Variants in LRRC34 observed in about 807,000 individuals in gnomAD.
The protein encoded by LRRC34 is leucine-rich repeat-containing protein 34.
Under a neutral mutation model 48.5 loss-of-function variants are expected in LRRC34, and 44 were observed. The ratio of observed to expected loss-of-function variants is 0.91; its 90% CI spans 0.71 to 1.17. LRRC34 has a LOEUF of 1.17. LRRC34 is among the 50% of genes most tolerant of loss of function. LRRC34 has a pLI of 0.00. For missense variants in LRRC34, 502 were observed against 563.0 expected (o/e 0.89, Z 1.10); for synonymous variants, 192 against 197.6 (o/e 0.97, Z 0.24).
At chr3:169,807,003 A>G in intron 4 of LRRC34, 72 bp from the exon 5 acceptor site, 3 of 793,132 alleles carry the variant, frequency 3.8e-6, no homozygotes, top group Non-Finnish European at 6.4e-6. Flanking sequence ...ATGTATATAC[A>G]TATACACATA....
rs769745350 is a variant in LRRC34, at chr3:169,796,759, G to A, written c.894C>T (p.Tyr298=). Residue 298 remains tyrosine, a synonymous_variant, in exon 8 of 11, where the codon TAC becomes TAT. Coordinates refer to ENST00000446859, the MANE Select transcript of LRRC34 (RefSeq NM_001172779.2). ...DALYLNSSLR[Y]LDVSCNKITH... ...TTATCACTTACCAGCTGACATCAAG[G>A]TAGCGCAGGCTACTGTTCAGATACA... 1.9e-6 allele frequency: 3 copies of A among 1,605,504 alleles called. No homozygotes were observed. The highest frequency in any genetic ancestry group is 2.2e-5 in the East Asian group (1 of 44,620).
At position 169,812,434 on chromosome 3, in the gene LRRC34, C is replaced by T. The variant is rs1325919614; in HGVS notation, c.115G>A (p.Gly39Ser). ...CCGCGCTGGACCGCCAGGGCCGCGCCCGGAGTACTGGCCTGAGTGGAGGCC... is the reference window on the plus strand; with the variant it reads ...CCGCGCTGGACCGCCAGGGCCGCGCTCGGAGTACTGGCCTGAGTGGAGGCC... ...AWASTQASTP[G>S]AALAVQRESP... Residue 39 changes from glycine to serine, a missense_variant, in exon 1 of 11, where the codon GGC (glycine) becomes AGC (serine). By Grantham distance (56) the Gly-to-Ser change is moderately conservative. Coordinates refer to ENST00000446859, the MANE Select transcript of LRRC34 (RefSeq NM_001172779.2). This position sits in a 1 kb window ranked among gnomAD's most constrained non-coding sequence, Gnocchi z 4.3. The T allele has an allele frequency of 6.5e-7, 1 of 1,529,970 alleles. No homozygotes were observed. Among genetic ancestry groups the T allele is most frequent in the Admixed American group, 2.0e-5 (1 of 50,922 alleles). 94.8% of individuals were successfully genotyped at this position (1,529,970 alleles called of 1,614,324 possible).
chr3:169,796,296 C>G lies in LRRC34; in HGVS notation c.982G>C (p.Asp328His), dbSNP rs921027967. The G allele has an allele frequency of 6.2e-7, 1 of 1,612,472 alleles. No individual in the cohort carries two copies. The highest frequency in any genetic ancestry group is 2.2e-5 in the East Asian group (1 of 44,710). ...TTTTCTATTCTGTTAAAGGAAAGAT[C>G]TATTACTTCCAGGGTAGTGTTGCTT... ...LKSNTTLEVI[D>H]LSFNRIENAG... The change falls in exon 9 of 11, where the codon GAT (aspartate) becomes CAT (histidine). Residue 328 changes from aspartate (D) to histidine (H), a missense_variant. Asp to His is a moderately conservative substitution (Grantham distance 81). Coordinates refer to ENST00000446859, the MANE Select transcript of LRRC34 (RefSeq NM_001172779.2).
intron 6 of LRRC34, 73 bp from the exon 7 acceptor site, chr3:169,800,827 C>T (rs1055192085): frequency 1.1e-6 from 1 of 904,440 alleles, no homozygotes; most frequent in Non-Finnish European, 1.7e-6. Context: ...ATTTCAAGAT[C>T]AGCTATCTGC....
At chr3:169,794,872 A>G (rs956932617) in intron 10 of LRRC34, 1 of 152,232 alleles carries the variant, frequency 6.6e-6, no homozygotes, top group African/African-American at 2.4e-5. Flanking sequence ...GACTCAACTT[A>G]TTCAGCTACT....
chr3:169,793,201 G>A lies in LRRC34; in HGVS notation c.*434C>T, dbSNP rs546843707. Among the ~76,000 whole-genome samples, 18 of 152,126 alleles carry A rather than the reference G, an allele frequency of 1.2e-4. No individual in the cohort carries two copies. The highest frequency in any genetic ancestry group is 1.5e-4 in the Non-Finnish European group (10 of 68,016). On this transcript the variant is annotated 3_prime_UTR_variant, in exon 11 of 11. Transcript: ENST00000446859. The stretch of plus-strand genomic sequence containing the variant: ...TGTTAGTAACACCTGTCTGTAACAC[G>A]TAAATAGGATAGGTAGAATACTTTT...
chr3:169,795,917 T>A (rs1778969014), intron 9 of LRRC34: 19 of 1,167,164 alleles, frequency 1.6e-5, no homozygotes, highest in Non-Finnish European at 2.0e-5. Flanking sequence ...ATTCTTACTT[T>A]TAAAAGTCTT....
chr3:169,796,838 T>G lies in LRRC34; in HGVS notation c.815A>C (p.His272Pro), dbSNP rs747938538. ...LKENHCLVAL[H>P]MCKHDIKNSG... ...GTTTTTTATATCATGCTTACACATG[T>G]GTAGTGCAACAAGACAGTGATTTTC... is the stretch of plus-strand genomic sequence containing the variant. The change falls in exon 8 of 11, where the codon CAC becomes CCC. Residue 272 changes from histidine to proline, a missense_variant. Physicochemically the swap from His to Pro is moderately conservative, Grantham distance 77 (BLOSUM62 -2). Coordinates refer to ENST00000446859, the MANE Select transcript of LRRC34 (RefSeq NM_001172779.2). The G allele has an allele frequency of 6.2e-7, 1 of 1,610,610 alleles. No homozygotes were observed. The highest frequency in any genetic ancestry group is 8.5e-7 in the Non-Finnish European group (1 of 1,178,544).
Position 169,800,160 on chromosome 3 carries a change from C to T in LRRC34, c.753+499G>A, listed in dbSNP as rs539438182. ...CAAGTGATAGGAGAAGAAAGCCACC[C>T]AGAAGGAGAAAGAAGTCATGAAAGT... On this transcript the variant is annotated intron_variant, in intron 7 of 10. Transcript: ENST00000446859. Among the ~76,000 whole-genome samples the T allele has an allele frequency of 3.9e-5, 6 of 152,254 alleles. 1 individual carries two copies. Among genetic ancestry groups the T allele is most frequent in the African/African-American group, 1.4e-4 (6 of 41,542 alleles).
intron 4 of LRRC34, among the ~76,000 whole-genome samples, chr3:169,807,142 C>A (rs562234333): frequency 1.3e-5 from 2 of 152,018 alleles, no homozygotes; most frequent in Non-Finnish European, 2.9e-5. Flanking sequence ...AATATAATTA[C>A]AATATAAATG....
At chr3:169,794,273 T>C (rs1490310013) in intron 10 of LRRC34, 3 of 158,836 alleles carry the variant, frequency 1.9e-5, no homozygotes, top group East Asian at 3.7e-4. Flanking sequence ...TCAGAAAAAT[T>C]AAGGGAATCC....
chr3:169,808,781 T>C, intron 1 of LRRC34, 36 bp from the exon 2 acceptor site: 3 of 1,165,096 alleles, frequency 2.6e-6, no homozygotes, highest in Non-Finnish European at 3.8e-6. Flanking sequence ...ACATATAAAT[T>C]ATTCTAGAAG....
intron 1 of LRRC34, among the ~76,000 whole-genome samples, chr3:169,810,787 G>A (rs1779534088): frequency 6.6e-6 from 1 of 152,190 alleles, no homozygotes; most frequent in South Asian, 2.1e-4. Context: ...ATTTCCGGCC[G>A]GGTGCGGTGG....
chr3:169,807,000 TAC>T, intron 4 of LRRC34, 69 bp from the exon 5 acceptor site: 4 of 837,452 alleles, frequency 4.8e-6, no homozygotes, highest in Non-Finnish European at 8.0e-6. Context: ...TACATGTATA[TAC>T]ATATACACAT....
At chr3:169,809,569 C>T (rs1779493072) in intron 1 of LRRC34, among the ~76,000 whole-genome samples, 1 of 152,154 alleles carries the variant, frequency 6.6e-6, no homozygotes, top group Non-Finnish European at 1.5e-5. Flanking sequence ...TCAGTAATAC[C>T]TCAAAAGCAT....
At chr3:169,796,513 AT>A in intron 8 of LRRC34, 144 bp from the exon 9 acceptor site, 1 of 1,049,446 alleles carries the variant, frequency 9.5e-7, no homozygotes, top group Non-Finnish European at 1.3e-6. Context: ...GTTAATGAAA[AT>A]TCACCATAAA....
At position 169,812,306 on chromosome 3, in the gene LRRC34, C is replaced by A; in HGVS notation, c.139+104G>T. 7.2e-7 allele frequency: 1 copy of A among 1,387,766 alleles called. No homozygotes were observed. The highest frequency in any genetic ancestry group is 1.5e-5 in the South Asian group (1 of 65,888). The allele number at this position is 1,387,766 out of a possible 1,614,324, so 86.0% of individuals were successfully genotyped here. A position where few individuals can be genotyped will look rare whatever the true frequency, so the allele number is the denominator to read the frequency against. ...CAGGGGCCCCCCTCCCGCCTCGACG[C>A]CTTGGGCTGGCGGGCTGCTGGGAGG... is the stretch of plus-strand genomic sequence containing the variant. On this transcript the variant is annotated intron_variant, in intron 1 of 10. Coordinates refer to ENST00000446859, the MANE Select transcript of LRRC34 (RefSeq NM_001172779.2). This position sits in a 1 kb window ranked among gnomAD's most constrained non-coding sequence, Gnocchi z 4.3.
rs1779594567 is a variant in LRRC34, at chr3:169,812,043, T to C, written c.139+367A>G. On this transcript the variant is annotated intron_variant, in intron 1 of 10. Coordinates refer to ENST00000446859, the MANE Select transcript of LRRC34 (RefSeq NM_001172779.2). The surrounding 1 kb of genome is among the most constrained non-coding windows in gnomAD (Gnocchi z 4.3). ...AAGACCCTCATGCCCCCCTGTGACC[T>C]GCTCTCTGGGACTTTCACAAAAAGG... Among the ~76,000 whole-genome samples, 1 of 152,122 alleles carries C rather than the reference T, an allele frequency of 6.6e-6. No homozygotes were observed.
In LRRC34 at chr3:169,812,287, C is replaced by T; in HGVS notation, c.139+123G>A. On this transcript the variant is annotated intron_variant, in intron 1 of 10. Coordinates refer to ENST00000446859, the MANE Select transcript of LRRC34 (RefSeq NM_001172779.2). This position sits in a 1 kb window ranked among gnomAD's most constrained non-coding sequence, Gnocchi z 4.3. ...TGGCCACAGCTGGGGTTCCCAGGGG[C>T]CCCCCTCCCGCCTCGACGCCTTGGG... 3.1e-6 allele frequency: 4 copies of T among 1,272,572 alleles called. No individual in the cohort carries two copies. The highest frequency in any genetic ancestry group is 4.1e-6 in the Non-Finnish European group (4 of 969,256). The allele number at this position is 1,272,572 out of a possible 1,614,324, so 78.8% of individuals were successfully genotyped here.
Sources: allele counts gnomAD v4.1 joint callset (sites outside exome capture counted in the v4.1 genomes callset), GRCh38; gene constraint gnomAD v4.1.1; non-coding constraint Gnocchi (gnomAD v3.1); transcripts MANE v1.5; gene names NCBI Gene and HGNC (gene_info 2026-07-23, HGNC 2026-07-21).